RBMS3: variants seen among roughly 807,000 people sequenced by gnomAD.
The protein encoded by RBMS3 is RNA-binding motif, single-stranded-interacting protein 3.
Under a neutral mutation model 66.8 loss-of-function variants are expected in RBMS3, and 27 were observed. That is an observed-to-expected ratio of 0.40 (90% CI 0.30 to 0.56). The LOEUF is 0.56. Ranked by LOEUF, RBMS3 falls within the 20% of genes least tolerant of loss-of-function variation. The pLI, the probability that RBMS3 is intolerant of heterozygous loss-of-function variation, is 0.40. For missense variants in RBMS3, 513 were observed against 549.5 expected (o/e 0.93, Z 0.66); for synonymous variants, 188 against 183.0 (o/e 1.03, Z -0.22).
chr3:29,921,483 AGACT>A (rs1175899133), intron 10 of RBMS3, among the ~76,000 whole-genome samples: 1 of 104,012 alleles, frequency 9.6e-6, no homozygotes, highest in African/African-American at 3.8e-5. Flanking sequence ...ATCAACTGAC[AGACT>A]GTTTGGCAGG....
intron 3 of RBMS3, among the ~76,000 whole-genome samples, chr3:29,523,170 C>T (rs1027792730): frequency 3.3e-5 from 5 of 152,168 alleles, no homozygotes; most frequent in East Asian, 1.9e-4. Context: ...CTGGCTTCAG[C>T]GTCGATTCTC....
In RBMS3 at chr3:29,988,132, A is replaced by G; in HGVS notation, c.1099-11A>G. On this transcript the variant is annotated splice_polypyrimidine_tract_variant and intron_variant, in intron 12 of 14. Coordinates refer to ENST00000383767, the MANE Select transcript of RBMS3 (RefSeq NM_001003793.3). ...CAAAGTTCACATGCATTTTTCTTTG[A>G]TTCTCTCTAGTATATGACTGCTGCT... The G allele has an allele frequency of 1.2e-6, 2 of 1,603,990 alleles. No homozygotes were observed. The highest frequency in any genetic ancestry group is 2.2e-5 in the South Asian group (2 of 90,824).
Position 29,853,423 on chromosome 3 carries a change from C to CTTTTTTTTTTTTTTTTTTTTTT in RBMS3, c.638-15434_638-15413dup, listed in dbSNP as rs71091081. On this transcript the variant is annotated intron_variant, in intron 6 of 14. Coordinates refer to ENST00000383767, the MANE Select transcript of RBMS3 (RefSeq NM_001003793.3). Reference sequence around the variant, plus strand: ...TGTATCTTAAGCTACAATTTACTTTCTTTTTTTTTTTTTTTTTTTTTTGCA... The same window carrying CTTTTTTTTTTTTTTTTTTTTTT: ...TGTATCTTAAGCTACAATTTACTTTCTTTTTTTTTTTTTTTTTTTTTTTTTTTTTTTTTTTTTTTTTTTTGCA... Among the ~76,000 whole-genome samples the CTTTTTTTTTTTTTTTTTTTTTT allele has an allele frequency of 3.5e-4, 30 of 84,526 alleles. 5 individuals are homozygous for CTTTTTTTTTTTTTTTTTTTTTT. The highest frequency in any genetic ancestry group is 1.6e-3 in the African/African-American group (29 of 18,406). 55.5% of individuals were successfully genotyped at this position (84,526 alleles called of 152,430 possible).
intron 12 of RBMS3, among the ~76,000 whole-genome samples, chr3:29,972,043 A>C (rs1324973990): frequency 6.6e-6 from 1 of 152,174 alleles, no homozygotes; most frequent in Non-Finnish European, 1.5e-5. Flanking sequence ...GGAGTGGAAT[A>C]AAATTTACCC....
chr3:29,522,247 C>T (rs1289722866), intron 3 of RBMS3, among the ~76,000 whole-genome samples: 1 of 152,110 alleles, frequency 6.6e-6, no homozygotes, highest in Admixed American at 6.5e-5. Flanking sequence ...GGCTGGAGTG[C>T]AGTGCTGTGA....
intron 5 of RBMS3, among the ~76,000 whole-genome samples, chr3:29,753,572 C>T (rs1169379371): frequency 6.6e-6 from 1 of 152,180 alleles, no homozygotes; most frequent in Admixed American, 6.5e-5. Flanking sequence ...TCAGAAACCA[C>T]AGTTTTTGCC....
intron 7 of RBMS3, among the ~76,000 whole-genome samples, chr3:29,878,119 T>C (rs2059652697): frequency 6.6e-6 from 1 of 152,056 alleles, no homozygotes; most frequent in Non-Finnish European, 1.5e-5. Flanking sequence ...ATCCCTGTAA[T>C]GTGCAGTTCA....
chr3:29,419,752 G>C (rs1234313826), intron 1 of RBMS3, among the ~76,000 whole-genome samples: 1 of 152,172 alleles, frequency 6.6e-6, no homozygotes, highest in Non-Finnish European at 1.5e-5. Flanking sequence ...ATAGGGAGAA[G>C]GGGAGAGCGA....
At chr3:29,607,546 G>A (rs1183663110) in intron 4 of RBMS3, among the ~76,000 whole-genome samples, 1 of 151,944 alleles carries the variant, frequency 6.6e-6, no homozygotes, top group Non-Finnish European at 1.5e-5. Flanking sequence ...CATTTTTGGA[G>A]TTACTATTTC....
At chr3:29,728,220 A>G (rs975830567) in intron 4 of RBMS3, among the ~76,000 whole-genome samples, 5 of 146,578 alleles carry the variant, frequency 3.4e-5, no homozygotes, top group Non-Finnish European at 6.0e-5. Context: ...CAGGGGGGTA[A>G]GGGGAGGGAG....
At chr3:29,446,823 G>T (rs1323939154) in intron 2 of RBMS3, among the ~76,000 whole-genome samples, 1 of 151,372 alleles carries the variant, frequency 6.6e-6, no homozygotes, top group Non-Finnish European at 1.5e-5. Context: ...TGACTTTAGG[G>T]TGAATCAGTT....
chr3:29,608,562 A>G (rs1276657601), intron 4 of RBMS3, among the ~76,000 whole-genome samples: 4 of 152,042 alleles, frequency 2.6e-5, no homozygotes, highest in Non-Finnish European at 5.9e-5. Flanking sequence ...ACCAAAGATG[A>G]CAGAATATAC....
intron 2 of RBMS3, among the ~76,000 whole-genome samples, chr3:29,456,301 T>C (rs1437185563): frequency 1.3e-5 from 2 of 152,146 alleles, no homozygotes; most frequent in East Asian, 1.9e-4. Context: ...TTTTAAAACA[T>C]GTGTTTTCCA....
chr3:29,573,823 C>T (rs1438887581), intron 3 of RBMS3, among the ~76,000 whole-genome samples: 3 of 152,084 alleles, frequency 2.0e-5, no homozygotes, highest in Non-Finnish European at 4.4e-5. Context: ...TATTGAACCA[C>T]TGGTTATTCA....
At chr3:29,576,814 C>G (rs2047138634) in intron 3 of RBMS3, among the ~76,000 whole-genome samples, 1 of 152,172 alleles carries the variant, frequency 6.6e-6, no homozygotes, top group Admixed American at 6.5e-5. Flanking sequence ...TCCCTTAAAG[C>G]CCAGTGACTC....
intron 11 of RBMS3, among the ~76,000 whole-genome samples, chr3:29,936,855 CTTTG>C (rs547266262): frequency 1.5e-4 from 23 of 151,838 alleles, no homozygotes; most frequent in Admixed American, 7.9e-4. Flanking sequence ...ATAAGAAAAA[CTTTG>C]TTTGATTTTT....
chr3:29,526,624 T>G (rs2148984515), intron 3 of RBMS3, among the ~76,000 whole-genome samples: 1 of 146,754 alleles, frequency 6.8e-6, no homozygotes, highest in East Asian at 2.1e-4. Flanking sequence ...CTGAGAGGGA[T>G]TTTAGAGCCT....
chr3:29,862,008 C>A (rs1375504), intron 6 of RBMS3, among the ~76,000 whole-genome samples: 111,755 of 152,090 alleles, frequency 0.73, 41,180 homozygotes, highest in African/African-American at 0.79. Context: ...AAAGAGACTA[C>A]ATGAAAGTAA....
intron 4 of RBMS3, among the ~76,000 whole-genome samples, chr3:29,623,798 A>T (rs1165032174): frequency 1.3e-5 from 2 of 152,198 alleles, no homozygotes; most frequent in Non-Finnish European, 2.9e-5. Context: ...TGCTCCCTTC[A>T]TTATAGATAT....
Sources: gnomAD v4.1 joint callset for allele counts (sites outside exome capture counted in the v4.1 genomes callset) on GRCh38, gnomAD v4.1.1 for gene constraint, MANE v1.5 for transcripts, NCBI Gene and HGNC (gene_info 2026-07-23, HGNC 2026-07-21) for gene names.